The following ZMAT4 variants were observed in gnomAD, a reference collection of about 807,000 sequenced individuals.
The protein encoded by ZMAT4 is zinc finger matrin-type 4, also known as zinc finger matrin-type protein 4.
ZMAT4 carries 17 observed loss-of-function variants against 28.7 expected under a neutral mutation model. The observed-to-expected ratio is 0.59, with a 90% confidence interval of 0.41 to 0.89. The LOEUF is 0.89. Among genes scored for constraint, ZMAT4 ranks in the 40% least tolerant of loss-of-function variants. The probability of loss-of-function intolerance (pLI) is 0.00; values close to 1 mark genes in which losing one functional copy is unlikely to be tolerated. For synonymous variants in ZMAT4, 117 were observed against 109.2 expected (o/e 1.07, Z -0.44); for missense variants, 240 against 283.8 (o/e 0.85, Z 1.11).
chr8:40,560,403 C>A (rs532264448), intron 6 of ZMAT4, among the ~76,000 whole-genome samples: 22 of 151,704 alleles, frequency 1.5e-4, no homozygotes, highest in Middle Eastern at 3.2e-3. Context: ...TCTTGGAAAA[C>A]AAATAATCAT....
intron 5 of ZMAT4, among the ~76,000 whole-genome samples, chr8:40,638,276 T>C (rs1806870451): frequency 6.6e-6 from 1 of 152,230 alleles, no homozygotes; most frequent in African/African-American, 2.4e-5. Flanking sequence ...TTGGCCTGAT[T>C]TGATCATTCC....
At position 40,674,924 on chromosome 8, in the gene ZMAT4, G is replaced by A. The variant is rs367676607; in HGVS notation, c.357C>T (p.Pro119=). Residue 119 remains proline, a synonymous_variant, in exon 5 of 7, where the codon CCC becomes CCT. Coordinates refer to ENST00000297737, the MANE Select transcript of ZMAT4 (RefSeq NM_024645.3). The part of the protein sequence containing the change: ...EKTPLKTTAT[P]LSPLKPPRMD... ...TCCGTGGGGGCTTAAGTGGGCTCAG[G>A]GGTGTTGCTGTGAAAGGAAACAACC... 8.1e-6 allele frequency: 13 copies of A among 1,611,914 alleles called. No homozygotes were observed. Among genetic ancestry groups the A allele is most frequent in the South Asian group, 1.1e-5 (1 of 90,954 alleles).
chr8:40,896,063 C>T (rs1014270391), intron 1 of ZMAT4, among the ~76,000 whole-genome samples: 1 of 138,666 alleles, frequency 7.2e-6, no homozygotes, highest in African/African-American at 2.9e-5. Context: ...TATTTTGACA[C>T]CCCCCCCAAA....
chr8:40,642,997 TA>T (rs1250438121), intron 5 of ZMAT4, among the ~76,000 whole-genome samples: 4 of 152,212 alleles, frequency 2.6e-5, no homozygotes, highest in Non-Finnish European at 5.9e-5. Context: ...CATGAGTGTA[TA>T]ACTCTTGGGA....
At chr8:40,621,418 C>A (rs1022264171) in intron 5 of ZMAT4, among the ~76,000 whole-genome samples, 2 of 152,150 alleles carry the variant, frequency 1.3e-5, no homozygotes, top group Non-Finnish European at 1.5e-5. Flanking sequence ...GTTCCATCAG[C>A]TGGTGCTAAT....
intron 6 of ZMAT4, among the ~76,000 whole-genome samples, chr8:40,559,717 GCA>G (rs1439946053): frequency 6.6e-6 from 1 of 151,546 alleles, no homozygotes; most frequent in Non-Finnish European, 1.5e-5. Context: ...AGAACTGAAG[GCA>G]CACACACACA....
chr8:40,641,852 T>C (rs1236783098), intron 5 of ZMAT4, among the ~76,000 whole-genome samples: 1 of 152,168 alleles, frequency 6.6e-6, no homozygotes, highest in Non-Finnish European at 1.5e-5. Flanking sequence ...GTTTCAGTTA[T>C]TCTTTTTTTA....
chr8:40,567,841 A>C (rs1246449801), intron 6 of ZMAT4, among the ~76,000 whole-genome samples: 1 of 152,130 alleles, frequency 6.6e-6, no homozygotes, highest in Non-Finnish European at 1.5e-5. Flanking sequence ...TTTTGAAAAA[A>C]TCCTTCCAAC....
chr8:40,536,967 A>T (rs1802867851), intron 6 of ZMAT4, among the ~76,000 whole-genome samples: 1 of 152,116 alleles, frequency 6.6e-6, no homozygotes, highest in Non-Finnish European at 1.5e-5. Flanking sequence ...AGAGAATAGA[A>T]TCAGGAAGAT....
chr8:40,829,119 T>C (rs1816183559), intron 1 of ZMAT4, among the ~76,000 whole-genome samples: 1 of 152,128 alleles, frequency 6.6e-6, no homozygotes, highest in African/African-American at 2.4e-5. Flanking sequence ...CCTGGAAACA[T>C]TCGTATTGTG....
intron 5 of ZMAT4, among the ~76,000 whole-genome samples, chr8:40,659,671 G>A (rs1390188611): frequency 1.3e-5 from 2 of 152,142 alleles, no homozygotes; most frequent in African/African-American, 4.8e-5. Context: ...TTGTTCCTCT[G>A]TGGTACAGAC....
At chr8:40,544,199 C>G (rs1175071603) in intron 6 of ZMAT4, among the ~76,000 whole-genome samples, 1 of 152,130 alleles carries the variant, frequency 6.6e-6, no homozygotes, top group Admixed American at 6.6e-5. Context: ...CTTTTTTGTG[C>G]TGCTTATAGT....
intron 3 of ZMAT4, among the ~76,000 whole-genome samples, chr8:40,716,660 C>T (rs774798056): frequency 5.3e-5 from 8 of 152,202 alleles, no homozygotes; most frequent in Admixed American, 2.0e-4. Flanking sequence ...CCACTGCACA[C>T]CAGCCTGGGC....
chr8:40,893,925 T>C (rs1216678192), intron 1 of ZMAT4, among the ~76,000 whole-genome samples: 1 of 152,224 alleles, frequency 6.6e-6, no homozygotes, highest in African/African-American at 2.4e-5. Context: ...ACATCTTTGA[T>C]TTCCTTTAAG....
At chr8:40,542,727 T>C (rs564064967) in intron 6 of ZMAT4, among the ~76,000 whole-genome samples, 20 of 152,302 alleles carry the variant, frequency 1.3e-4, no homozygotes, top group African/African-American at 4.8e-4. Flanking sequence ...ATAATAATTA[T>C]ACTATCGGGA....
chr8:40,803,152 C>T (rs981941993), intron 2 of ZMAT4, among the ~76,000 whole-genome samples: 4 of 152,042 alleles, frequency 2.6e-5, no homozygotes, highest in African/African-American at 4.8e-5. Flanking sequence ...ATCTAGATGA[C>T]CTTGGGACCA....
intron 1 of ZMAT4, among the ~76,000 whole-genome samples, chr8:40,841,702 T>A (rs1816705758): frequency 6.6e-6 from 1 of 152,230 alleles, no homozygotes; most frequent in African/African-American, 2.4e-5. Context: ...CCAGCACCAT[T>A]CTAAGCACTT....
chr8:40,754,064 C>T (rs113866008), intron 3 of ZMAT4, among the ~76,000 whole-genome samples: 5 of 151,622 alleles, frequency 3.3e-5, no homozygotes, highest in East Asian at 1.9e-4. Flanking sequence ...CTCAGCTACT[C>T]GGGAGGCTGA....
In ZMAT4 at chr8:40,589,969, C is replaced by CTCCT. The variant is rs1804826657; in HGVS notation, c.578-8709_578-8708insAGGA. The stretch of plus-strand genomic sequence containing the variant: ...CCTTCCTTCTTCCCTCCTTCCCTCC[C>CTCCT]TCCCTTCCTTCCTTCCTTCCTTCCT... On this transcript the variant is annotated intron_variant, in intron 5 of 6. Coordinates refer to ENST00000297737, the MANE Select transcript of ZMAT4 (RefSeq NM_024645.3). 7.8e-5 allele frequency among the ~76,000 whole-genome samples: 3 copies of CTCCT among 38,636 alleles called. No homozygotes were observed. The Admixed American group carries it at 8.6e-4, about 11-fold the overall frequency. The allele number at this position is 38,636 out of a possible 152,430, so 25.3% of individuals were successfully genotyped here.
Sources: gnomAD v4.1 joint callset for allele counts (sites outside exome capture counted in the v4.1 genomes callset) on GRCh38, gnomAD v4.1.1 for gene constraint, MANE v1.5 for transcripts, NCBI Gene and HGNC (gene_info 2026-07-23, HGNC 2026-07-21) for gene names.